APLF: variants seen among roughly 807,000 people sequenced by gnomAD.
APLF encodes the protein aprataxin and PNK-like factor.
A neutral mutation model predicts 55.6 loss-of-function variants in APLF; 61 were observed. The ratio of observed to expected loss-of-function variants is 1.10; its 90% CI spans 0.89 to 1.36. The LOEUF (loss-of-function observed/expected upper bound fraction) is 1.36. APLF is among the 40% of genes most tolerant of loss of function. The pLI is 0.00. For synonymous variants in APLF, 207 were observed against 214.8 expected (o/e 0.96, Z 0.32); for missense variants, 611 against 602.5 (o/e 1.01, Z -0.15).
intron 1 of APLF, among the ~76,000 whole-genome samples, chr2:68,476,264 T>A (rs1427785959): frequency 6.6e-6 from 1 of 151,988 alleles, no homozygotes; most frequent in East Asian, 1.9e-4. Context: ...GACGGGCAGA[T>A]CACCTGAGGT....
chr2:68,491,125 G>A (rs1314270450), intron 2 of APLF, among the ~76,000 whole-genome samples: 1 of 152,080 alleles, frequency 6.6e-6, no homozygotes, highest in Non-Finnish European at 1.5e-5. Flanking sequence ...ATTATTCAAT[G>A]TATTCACCTT....
At chr2:68,502,655 G>T in intron 2 of APLF, 76 bp from the exon 3 acceptor site, 1 of 934,834 alleles carries the variant, frequency 1.1e-6, no homozygotes, top group Non-Finnish European at 1.4e-6. Flanking sequence ...TTGTATTTTT[G>T]TTGTAATTTT....
chr2:68,528,200 C>T, intron 6 of APLF: 1 of 910,838 alleles, frequency 1.1e-6, no homozygotes, highest in Non-Finnish European at 1.7e-6. Context: ...ACCTGGGCCT[C>T]CCAAAGTGCT....
intron 6 of APLF, among the ~76,000 whole-genome samples, chr2:68,532,556 G>GT (rs1449937764): frequency 6.6e-6 from 1 of 152,154 alleles, no homozygotes; most frequent in Non-Finnish European, 1.5e-5. Context: ...GGCTTCAAAT[G>GT]TAGGTATTTT....
chr2:68,580,137 T>C lies in APLF; in HGVS notation c.*2115T>C, dbSNP rs1671731555. ...AAGACACTTTTGAGTATAACTATTGTATAAATAAATGTATAGCTTAATTGA... is the reference window on the plus strand; with the variant it reads ...AAGACACTTTTGAGTATAACTATTGCATAAATAAATGTATAGCTTAATTGA... On this transcript the variant is annotated 3_prime_UTR_variant, in exon 10 of 10. Transcript: ENST00000303795. The C allele has an allele frequency of 2.2e-6, 2 of 929,816 alleles. No individual in the cohort carries two copies. Among genetic ancestry groups the C allele is most frequent in the South Asian group, 5.0e-5 (1 of 20,106 alleles). The allele number at this position is 929,816 out of a possible 1,614,324, so 57.6% of individuals were successfully genotyped here.
intron 3 of APLF, among the ~76,000 whole-genome samples, chr2:68,510,494 A>G (rs1018906381): frequency 6.6e-6 from 1 of 151,848 alleles, no homozygotes; most frequent in African/African-American, 2.4e-5. Flanking sequence ...CTTTACATCT[A>G]CTAGGAAAGC....
chr2:68,539,114 T>C (rs1014794516), intron 7 of APLF, among the ~76,000 whole-genome samples: 4 of 152,220 alleles, frequency 2.6e-5, no homozygotes, highest in African/African-American at 9.6e-5. Context: ...ATAACTCATA[T>C]TTTAAAATTT....
intron 8 of APLF, among the ~76,000 whole-genome samples, chr2:68,551,448 C>CT (rs779832686): frequency 2.4e-4 from 37 of 151,906 alleles, no homozygotes; most frequent in Non-Finnish European, 3.7e-4. Flanking sequence ...TCTATTTTAT[C>CT]TTTTCTCTTT....
intron 1 of APLF, among the ~76,000 whole-genome samples, chr2:68,480,265 A>G (rs1675912312): frequency 6.7e-6 from 1 of 149,692 alleles, no homozygotes; most frequent in Admixed American, 6.7e-5. Context: ...GGGATGATTC[A>G]ACTTCCTCCT....
chr2:68,542,926 A>G (rs1670597272), intron 7 of APLF, among the ~76,000 whole-genome samples: 1 of 152,174 alleles, frequency 6.6e-6, no homozygotes, highest in Non-Finnish European at 1.5e-5. Flanking sequence ...GAATAAAGAA[A>G]ATTTGGTATA....
chr2:68,485,504 G>C lies in APLF; in HGVS notation c.97-4686G>C, dbSNP rs571657656. ...GGTAAGGTGGTATCTGCCAGATTTC[G>C]CAGTTAATCTACCATTTCCTTTGTC... is the stretch of plus-strand genomic sequence containing the variant. On this transcript the variant is annotated intron_variant, in intron 1 of 9. Transcript: ENST00000303795. Among the ~76,000 whole-genome samples, 61 of 152,220 alleles carry C rather than the reference G, an allele frequency of 4.0e-4. No individual in the cohort carries two copies. The South Asian group carries it at 0.012, about 29-fold the overall frequency.
intron 1 of APLF, among the ~76,000 whole-genome samples, chr2:68,472,065 A>C (rs1675633912): frequency 6.6e-6 from 1 of 152,226 alleles, no homozygotes; most frequent in African/African-American, 2.4e-5. Flanking sequence ...GTTGACAATT[A>C]GTTGAGTTTA....
Position 68,579,164 on chromosome 2 carries a change from A to G in APLF, c.*1142A>G, listed in dbSNP as rs542011695. On this transcript the variant is annotated 3_prime_UTR_variant, in exon 10 of 10. Coordinates refer to ENST00000303795, the MANE Select transcript of APLF (RefSeq NM_173545.3). The stretch of plus-strand genomic sequence containing the variant: ...TTTATATCTTAAAAGATCAAAACAT[A>G]TTTATAATAATATTTTCTCATTGCT... The G allele has an allele frequency of 1.5e-5, 12 of 784,554 alleles. No homozygotes were observed. The East Asian group carries it at 1.3e-3, about 83-fold the overall frequency. The allele number at this position is 784,554 out of a possible 1,614,324, so 48.6% of individuals were successfully genotyped here.
chr2:68,539,378 A>G (rs535824638), intron 7 of APLF, among the ~76,000 whole-genome samples: 13 of 152,326 alleles, frequency 8.5e-5, no homozygotes, highest in Admixed American at 2.6e-4. Context: ...TTTTCTCCTG[A>G]GACCTCTTTT....
At chr2:68,567,319 T>C (rs1167727347) in intron 8 of APLF, 22 bp from the exon 9 acceptor site, 1 of 1,599,390 alleles carries the variant, frequency 6.3e-7, no homozygotes, top group Non-Finnish European at 8.5e-7. Context: ...GACTAGCTCT[T>C]ATTTTTGCAT....
intron 5 of APLF, among the ~76,000 whole-genome samples, chr2:68,525,028 G>A (rs1355555915): frequency 6.6e-6 from 1 of 152,064 alleles, no homozygotes; most frequent in South Asian, 2.1e-4. Context: ...GTTATTTTGG[G>A]TTTGCCTGTA....
Position 68,578,070 on chromosome 2 carries a change from T to G in APLF, c.*48T>G. 6.4e-7 allele frequency: 1 copy of G among 1,568,808 alleles called. No homozygotes were observed. Among genetic ancestry groups the G allele is most frequent in the Non-Finnish European group, 8.6e-7 (1 of 1,158,908 alleles). ...CTGCCTTACATTTACTTTTTCTTTG[T>G]GGGAAAACATTTATGAACTAAGGAG... On this transcript the variant is annotated 3_prime_UTR_variant, in exon 10 of 10. Coordinates refer to ENST00000303795, the MANE Select transcript of APLF (RefSeq NM_173545.3).
intron 2 of APLF, among the ~76,000 whole-genome samples, chr2:68,494,298 A>AAAAAG (rs1676469103): frequency 2.7e-5 from 4 of 150,002 alleles, no homozygotes; most frequent in Non-Finnish European, 4.4e-5. Context: ...AAAAAAAAAA[A>AAAAAG]AAAAGAAAAG....
intron 8 of APLF, among the ~76,000 whole-genome samples, chr2:68,565,508 C>CAGATAGATAGATAGATAGAT (rs71395978): frequency 6.8e-5 from 10 of 146,358 alleles, no homozygotes; most frequent in African/African-American, 2.5e-4. Flanking sequence ...GACAGATAGA[C>CAGATAGATAGATAGATAGAT]AGATAGATAC....
Sources: allele counts gnomAD v4.1 joint callset (sites outside exome capture counted in the v4.1 genomes callset), GRCh38; gene constraint gnomAD v4.1.1; transcripts MANE v1.5; gene names NCBI Gene and HGNC (gene_info 2026-07-23, HGNC 2026-07-21).